Variants in GLI2 observed in about 807,000 individuals in gnomAD.
GLI2 encodes the protein transcription activator GLI2.
GLI2 carries 22 observed loss-of-function variants against 78.9 expected under a neutral mutation model. That is an observed-to-expected ratio of 0.28 (90% confidence interval 0.20 to 0.40). The LOEUF is 0.40. GLI2 is among the 10% of genes least tolerant of loss of function. The pLI is 1.00. For missense variants in GLI2, 2,097 were observed against 2,213.2 expected (o/e 0.95, Z 1.05); for synonymous variants, 974 against 963.7 (o/e 1.01, Z -0.20).
At chr2:120,899,135 C>A (rs534348559) in intron 2 of GLI2, among the ~76,000 whole-genome samples, 1 of 152,308 alleles carries the variant, frequency 6.6e-6, no homozygotes, top group African/African-American at 2.4e-5. Context: ...GCCAGGAGAG[C>A]TCTTTCCTGG....
At chr2:120,871,302 T>A (rs1688414420) in intron 2 of GLI2, among the ~76,000 whole-genome samples, 1 of 100,892 alleles carries the variant, frequency 9.9e-6, no homozygotes, top group Admixed American at 1.0e-4. Flanking sequence ...CCTGCTTTCC[T>A]GGTGCCCACA....
intron 1 of GLI2, among the ~76,000 whole-genome samples, chr2:120,783,289 CA>C (rs958956282): frequency 5.3e-5 from 8 of 152,288 alleles, no homozygotes; most frequent in Admixed American, 3.3e-4. Context: ...CCTGGCTTCC[CA>C]TATGGGCTGG....
In GLI2 at chr2:120,989,480, A is replaced by C; in HGVS notation, c.3515A>C (p.Gln1172Pro). 6.2e-7 allele frequency: 1 copy of C among 1,613,040 alleles called. No homozygotes were observed. The highest frequency in any genetic ancestry group is 8.5e-7 in the Non-Finnish European group (1 of 1,179,936). The change falls in exon 14 of 14, where the codon CAA (glutamine) becomes CCA (proline). Residue 1172 changes from glutamine to proline, a missense_variant. Around this residue, in one of 5 missense-constraint regions of GLI2, gnomAD observed 1,290 missense variants for 1,261.7 expected, o/e 1.02. Transcript: ENST00000361492. The stretch of plus-strand genomic sequence containing the variant: ...GGCCAGTACCCGGGCTACAGTCCGC[A>C]AGGCCTACAGGCTAGCCCTGGGGGC... ...AFGQYPGYSP[Q>P]GLQASPGGLD...
intron 1 of GLI2, among the ~76,000 whole-genome samples, chr2:120,772,305 C>G (rs1015334272): frequency 3.3e-5 from 5 of 152,142 alleles, no homozygotes; most frequent in Admixed American, 6.5e-5. Flanking sequence ...GAGGAGCCTT[C>G]CCTCCCCATC....
intron 5 of GLI2, among the ~76,000 whole-genome samples, chr2:120,967,189 C>T (rs1681899205): frequency 6.6e-6 from 1 of 152,204 alleles, no homozygotes; most frequent in Non-Finnish European, 1.5e-5. Context: ...GATGGGTGGG[C>T]AGGGGCCAGC....
Position 120,978,451 on chromosome 2 carries a change from C to T in GLI2, c.1335C>T (p.His445=). The change falls in exon 10 of 14, where the codon CAC becomes CAT. Residue 445 remains histidine (H), a synonymous_variant. Coordinates refer to ENST00000361492, the MANE Select transcript of GLI2 (RefSeq NM_001374353.1). ...EQLVHHINNE[H]IHGEKKEFVC... ...TCCGGCAGCACATCAACAACGAGCA[C>T]ATCCACGGGGAGAAGAAGGAGTTTG... 1 of 1,614,190 alleles carries T rather than the reference C, an allele frequency of 6.2e-7. No homozygotes were observed. The highest frequency in any genetic ancestry group is 8.5e-7 in the Non-Finnish European group (1 of 1,180,034).
At chr2:120,869,066 T>TG (rs1688296264) in intron 2 of GLI2, among the ~76,000 whole-genome samples, 1 of 152,224 alleles carries the variant, frequency 6.6e-6, no homozygotes, top group Non-Finnish European at 1.5e-5. Context: ...TTCTCTATTC[T>TG]GTTCCATTGG....
At chr2:120,854,114 C>G (rs1339989204) in intron 2 of GLI2, among the ~76,000 whole-genome samples, 1 of 152,128 alleles carries the variant, frequency 6.6e-6, no homozygotes, top group Non-Finnish European at 1.5e-5. Flanking sequence ...AAAAACCAGC[C>G]AAGAGTGTAG....
At chr2:120,817,714 C>T (rs17005238) in intron 2 of GLI2, among the ~76,000 whole-genome samples, 14,979 of 152,198 alleles carry the variant, frequency 0.098, 814 homozygotes, top group African/African-American at 0.14. Context: ...TCCAACTGCT[C>T]ATCCACTGGC....
intron 2 of GLI2, among the ~76,000 whole-genome samples, chr2:120,842,463 A>G (rs1686934129): frequency 6.6e-6 from 1 of 152,114 alleles, no homozygotes; most frequent in Admixed American, 6.5e-5. Context: ...GACAGACTGT[A>G]ATTTATTTAA....
intron 2 of GLI2, among the ~76,000 whole-genome samples, chr2:120,799,971 T>C (rs1265511994): frequency 6.6e-6 from 1 of 152,172 alleles, no homozygotes; most frequent in African/African-American, 2.4e-5. Flanking sequence ...CATCTGGTGC[T>C]GGGCCTGGCA....
At chr2:120,962,221 G>A (rs1190883477) in intron 5 of GLI2, among the ~76,000 whole-genome samples, 1 of 152,166 alleles carries the variant, frequency 6.6e-6, no homozygotes, top group African/African-American at 2.4e-5. Flanking sequence ...TCCAGGGCCT[G>A]TTCTTGCATC....
intron 11 of GLI2, 110 bp from the exon 12 acceptor site, chr2:120,984,361 A>G (rs1381699234): frequency 6.1e-6 from 7 of 1,154,928 alleles, no homozygotes; most frequent in Middle Eastern, 3.8e-4. Context: ...TGACGTTGCC[A>G]GCTGGGCTCT....
At chr2:120,910,084 C>T (rs1241982787) in intron 2 of GLI2, among the ~76,000 whole-genome samples, 2 of 152,194 alleles carry the variant, frequency 1.3e-5, no homozygotes, top group Admixed American at 1.3e-4. Context: ...CTCTGGGTCC[C>T]CTCCGTTTTC....
rs147580961 is a variant in GLI2 at position 120,989,263 on chromosome 2, G to T, written c.3298G>T (p.Val1100Leu). 3.7e-4 allele frequency: 602 copies of T among 1,613,112 alleles called. 2 individuals carry two copies. The African/African-American group carries it at 7.1e-3, about 19-fold the overall frequency. Residue 1100 changes from valine (V) to leucine (L), a missense_variant, in exon 14 of 14, where the codon GTG (valine) becomes TTG (leucine). This residue lies in a region of GLI2 where 1,290 missense variants were observed against 1,261.7 expected (regional missense o/e 1.02). Transcript: ENST00000361492. ...QRRMVAADSN[V>L]GPSAPMLGGC... The stretch of plus-strand genomic sequence containing the variant: ...CAGGATGGTGGCTGCGGACTCCAAC[G>T]TGGGCCCCTCCGCCCCTATGCTGGG...
chr2:120,887,090 A>G (rs1433610456), intron 2 of GLI2, among the ~76,000 whole-genome samples: 1 of 152,186 alleles, frequency 6.6e-6, no homozygotes, highest in African/African-American at 2.4e-5. Flanking sequence ...CTTCCCAAGC[A>G]CACCTCAGAC....
chr2:120,967,370 C>T (rs570616531), intron 5 of GLI2, among the ~76,000 whole-genome samples: 4 of 152,298 alleles, frequency 2.6e-5, no homozygotes, highest in African/African-American at 9.6e-5. Context: ...AGGAGACTGG[C>T]TCTGAGGGAT....
chr2:120,975,095 G>C lies in GLI2; in HGVS notation c.1303G>C (p.Glu435Gln). The C allele has an allele frequency of 6.2e-7, 1 of 1,613,902 alleles. No individual in the cohort carries two copies. ...CTGCACCAAGGAGTACGACACCCAGGAGCAGCTGGTGCATGTAAGCTTTTG... is the reference window on the plus strand; with the variant it reads ...CTGCACCAAGGAGTACGACACCCAGCAGCAGCTGGTGCATGTAAGCTTTTG... ...EDCTKEYDTQ[E>Q]QLVHHINNEH... is the part of the protein sequence containing the mutation. The change falls in exon 9 of 14, where the codon GAG (glutamate) becomes CAG (glutamine). Residue 435 changes from glutamate (E) to glutamine (Q), a missense_variant. Physicochemically the swap from Glu to Gln is conservative, Grantham distance 29 (BLOSUM62 2). This residue lies in a region of GLI2 where 578 missense variants were observed against 612.0 expected (regional missense o/e 0.94). Transcript: ENST00000361492.
intron 3 of GLI2, among the ~76,000 whole-genome samples, chr2:120,940,817 G>T (rs1020651770): frequency 3.3e-5 from 5 of 152,264 alleles, no homozygotes; most frequent in Admixed American, 2.6e-4. Context: ...ATTCAGAGTA[G>T]ACCTTGGGAA....
Sources: gnomAD v4.1 joint callset for allele counts (sites outside exome capture counted in the v4.1 genomes callset) on GRCh38, gnomAD v4.1.1 for gene constraint, gnomAD v4.1.1 regional missense constraint, MANE v1.5 for transcripts, NCBI Gene and HGNC (gene_info 2026-07-23, HGNC 2026-07-21) for gene names.